Variants in NRSN1 observed in about 807,000 individuals in gnomAD.
NRSN1 encodes the protein neurensin 1, also known as neurensin-1.
A neutral mutation model predicts 17.3 loss-of-function variants in NRSN1; 14 were observed. That is an observed-to-expected ratio of 0.81 (90% CI 0.54 to 1.27). The LOEUF is 1.27. NRSN1 is among the 50% of genes most tolerant of loss of function. NRSN1 has a pLI of 0.00. For synonymous variants in NRSN1, 79 were observed against 94.2 expected (o/e 0.84, Z 0.93); for missense variants, 209 against 235.9 (o/e 0.89, Z 0.75).
chr6:24,145,442 T>C lies in NRSN1; in HGVS notation c.190-106T>C. On this transcript the variant is annotated intron_variant, in intron 3 of 3. Transcript: ENST00000378491. The surrounding 1 kb of genome is among the most constrained non-coding windows in gnomAD (Gnocchi z 4.4). ...CCTGCAAATTTGGGGTAACTGGGAA[T>C]ATTCATTTCTCTCAAGAAACAAGAC... The C allele has an allele frequency of 6.4e-6, 5 of 784,078 alleles. No homozygotes were observed. The highest frequency in any genetic ancestry group is 2.8e-5 in the South Asian group (1 of 35,682). 48.6% of individuals were successfully genotyped at this position (784,078 alleles called of 1,614,324 possible).
chr6:24,141,741 G>C (rs1269333632), intron 3 of NRSN1, among the ~76,000 whole-genome samples: 1 of 152,196 alleles, frequency 6.6e-6, no homozygotes, highest in African/African-American at 2.4e-5. Context: ...CTCAGCTGAG[G>C]AGCAGACTGC....
chr6:24,142,210 TTTTTC>T, intron 3 of NRSN1, among the ~76,000 whole-genome samples: 1 of 147,376 alleles, frequency 6.8e-6, no homozygotes, highest in East Asian at 2.0e-4. Context: ...TTTTTTTTTT[TTTTTC>T]AGAAGACATC....
Position 24,145,977 on chromosome 6 carries a change from A to G in NRSN1, c.*31A>G, listed in dbSNP as rs1318012732. The G allele has an allele frequency of 6.3e-7, 1 of 1,578,276 alleles. No individual in the cohort carries two copies. The highest frequency in any genetic ancestry group is 2.2e-5 in the East Asian group (1 of 44,636). ...TTCCCACCCCAGTTCTTCTTGTCTG[A>G]TTTATGCCCGTGGTTAAAAAGAGCA... On this transcript the variant is annotated 3_prime_UTR_variant, in exon 4 of 4. Coordinates refer to ENST00000378491, the MANE Select transcript of NRSN1 (RefSeq NM_080723.5). This position sits in a 1 kb window ranked among gnomAD's most constrained non-coding sequence, Gnocchi z 4.4.
chr6:24,132,973 T>C (rs1367550492), intron 2 of NRSN1, among the ~76,000 whole-genome samples: 3 of 152,218 alleles, frequency 2.0e-5, no homozygotes, highest in Non-Finnish European at 2.9e-5. Flanking sequence ...TTTGCTTATA[T>C]GGAGATCAGA....
rs1449771572 is a variant in NRSN1, at chr6:24,147,069, C to T, written c.*1123C>T. The T allele has an allele frequency of 6.6e-6, 1 of 152,180 alleles. No homozygotes were observed. Among genetic ancestry groups the T allele is most frequent in the Non-Finnish European group, 1.5e-5 (1 of 68,036 alleles). The allele number at this position is 152,180 out of a possible 1,614,324, so 9.4% of individuals were successfully genotyped here. A position where few individuals can be genotyped will look rare whatever the true frequency, so the allele number is the denominator to read the frequency against. ...TTTCAGAATGAGACTCCTGGAAATT[C>T]ACTGAGTCAGCAGCCTTCACACCAT... On this transcript the variant is annotated 3_prime_UTR_variant, in exon 4 of 4. Transcript: ENST00000378491.
chr6:24,142,212 T>TTTTTTTTTTTTTC (rs1484150562), intron 3 of NRSN1, among the ~76,000 whole-genome samples: 33 of 134,600 alleles, frequency 2.5e-4, no homozygotes, highest in African/African-American at 4.2e-4. Flanking sequence ...TTTTTTTTTT[T>TTTTTTTTTTTTTC]TTCAGAAGAC....
rs1187787282 is a variant in NRSN1, at chr6:24,145,876, G to A, written c.518G>A (p.Gly173Glu). ...AHTQPVTKAPGPGETKIPVTL... is the reference protein window; with the variant it reads ...AHTQPVTKAPEPGETKIPVTL... ...ACCCAGCCGGTTACAAAAGCTCCAG[G>A]GCCAGGGGAAACAAAGATTCCAGTC... Residue 173 changes from glycine (G) to glutamate (E), a missense_variant, in exon 4 of 4, where the codon GGG becomes GAG. Physicochemically the swap from Gly to Glu is moderately conservative, Grantham distance 98. Transcript: ENST00000378491. The surrounding 1 kb of genome is among the most constrained non-coding windows in gnomAD (Gnocchi z 4.4). 6.2e-7 allele frequency: 1 copy of A among 1,614,068 alleles called. No individual in the cohort carries two copies.
At chr6:24,142,834 TTCC>T (rs1386178483) in intron 3 of NRSN1, among the ~76,000 whole-genome samples, 2 of 152,170 alleles carry the variant, frequency 1.3e-5, no homozygotes, top group Non-Finnish European at 2.9e-5. Context: ...AGAACAAAGC[TTCC>T]ACAGGGTGGA....
At chr6:24,140,191 G>T (rs551099749) in intron 3 of NRSN1, among the ~76,000 whole-genome samples, 15 of 152,330 alleles carry the variant, frequency 9.8e-5, no homozygotes, top group African/African-American at 3.4e-4. Flanking sequence ...GCAGGTTTAA[G>T]GAAATCGTGG....
intron 3 of NRSN1, among the ~76,000 whole-genome samples, chr6:24,140,691 G>T (rs571136534): frequency 6.6e-6 from 1 of 152,350 alleles, no homozygotes; most frequent in East Asian, 1.9e-4. Flanking sequence ...AGCCACGCAG[G>T]TTCGCGCTTC....
chr6:24,138,655 T>A (rs1208015297), intron 3 of NRSN1, among the ~76,000 whole-genome samples: 1 of 152,174 alleles, frequency 6.6e-6, no homozygotes, highest in Non-Finnish European at 1.5e-5. Flanking sequence ...ACTGTGAAAG[T>A]GACTCCGGTC....
chr6:24,136,379 T>C (rs961128073), intron 3 of NRSN1, among the ~76,000 whole-genome samples: 1 of 152,234 alleles, frequency 6.6e-6, no homozygotes, highest in Non-Finnish European at 1.5e-5. Context: ...CAGTGTCATA[T>C]TGTTGTCACA....
chr6:24,134,364 G>A lies in NRSN1; in HGVS notation c.37G>A (p.Ala13Thr), dbSNP rs372433092. 3.2e-5 allele frequency: 52 copies of A among 1,614,004 alleles called. No homozygotes were observed. Among genetic ancestry groups the A allele is most frequent in the Non-Finnish European group, 4.0e-5 (47 of 1,180,028 alleles). The change falls in exon 3 of 4, where the codon GCA (alanine) becomes ACA (threonine). Residue 13 changes from alanine to threonine, a missense_variant. Physicochemically the swap from Ala to Thr is moderately conservative, Grantham distance 58. Transcript: ENST00000378491. ...CAGCAACGTCTGTGGGTCCAGGCAG[G>A]CACAGGCTGCAGCTGAGGGTGGTTA... Reference protein sequence around the residue: ...SCSNVCGSRQAQAAAEGGYQR... With the variant: ...SCSNVCGSRQTQAAAEGGYQR...
In NRSN1 at chr6:24,145,602, G is replaced by A. The variant is rs771669040; in HGVS notation, c.244G>A (p.Val82Met). ...FVILGLTVLA[V>M]GFLVPPKIEA... ...GATCCTCGGATTGACTGTTCTGGCA[G>A]TGGGCTTTCTTGTGCCCCCCAAAAT... is the stretch of plus-strand genomic sequence containing the variant. Residue 82 changes from valine to methionine, a missense_variant, in exon 4 of 4, where the codon GTG becomes ATG. Physicochemically the swap from Val to Met is conservative, Grantham distance 21. Coordinates refer to ENST00000378491, the MANE Select transcript of NRSN1 (RefSeq NM_080723.5). This position sits in a 1 kb window ranked among gnomAD's most constrained non-coding sequence, Gnocchi z 4.4. 3.1e-6 allele frequency: 5 copies of A among 1,612,534 alleles called. No individual in the cohort carries two copies. In the Admixed American group the frequency reaches 5.0e-5, roughly 16 times the overall value.
intron 3 of NRSN1, among the ~76,000 whole-genome samples, chr6:24,134,953 T>A (rs1170920418): frequency 3.9e-5 from 6 of 152,240 alleles, no homozygotes; most frequent in Non-Finnish European, 7.3e-5. Context: ...GTGGTCAGTA[T>A]ACCAGCTCCG....
chr6:24,127,121 G>T (rs551614405), intron 1 of NRSN1, among the ~76,000 whole-genome samples: 1 of 152,266 alleles, frequency 6.6e-6, no homozygotes, highest in South Asian at 2.1e-4. Flanking sequence ...GATGGGGGTG[G>T]AGGGCAGGTG....
At position 24,146,444 on chromosome 6, in the gene NRSN1, G is replaced by A. The variant is rs3829810; in HGVS notation, c.*498G>A. On this transcript the variant is annotated 3_prime_UTR_variant, in exon 4 of 4. Coordinates refer to ENST00000378491, the MANE Select transcript of NRSN1 (RefSeq NM_080723.5). ...TGAGCCGAACATGAGTTTTTAGACT[G>A]TATCTTGACATGAGGTTCCTGACAT... 0.24 allele frequency: 84,736 copies of A among 359,448 alleles called. 10,636 individuals are homozygous for A. Among genetic ancestry groups the A allele is most frequent in the South Asian group, 0.29 (13,366 of 46,150 alleles). The allele number at this position is 359,448 out of a possible 1,614,324, so 22.3% of individuals were successfully genotyped here.
At chr6:24,126,876 TGGAGG>T (rs1554139851) in intron 1 of NRSN1, among the ~76,000 whole-genome samples, 1 of 152,194 alleles carries the variant, frequency 6.6e-6, no homozygotes, top group Non-Finnish European at 1.5e-5. Context: ...AGACAGAGTC[TGGAGG>T]CCTCAAAGAA....
rs754172293 is a variant in NRSN1 at position 24,145,701 on chromosome 6, T to G, written c.343T>G (p.Tyr115Asp). ...AVQFNSALDM[Y>D]KLAGAVLFCI... Reference sequence around the variant, plus strand: ...CCAGTTTAACAGTGCTCTGGACATGTACAAGCTGGCAGGAGCTGTTCTCTT... The same window carrying G: ...CCAGTTTAACAGTGCTCTGGACATGGACAAGCTGGCAGGAGCTGTTCTCTT... The change falls in exon 4 of 4, where the codon TAC (tyrosine) becomes GAC (aspartate). Residue 115 changes from tyrosine to aspartate, a missense_variant. By Grantham distance (160) the Tyr-to-Asp change is radical. Transcript: ENST00000378491. The surrounding 1 kb of genome is among the most constrained non-coding windows in gnomAD (Gnocchi z 4.4). 8.7e-6 allele frequency: 14 copies of G among 1,614,204 alleles called. No individual in the cohort carries two copies. The East Asian group carries it at 3.1e-4, about 36-fold the overall frequency.
Sources: gnomAD v4.1 joint callset for allele counts (sites outside exome capture counted in the v4.1 genomes callset) on GRCh38, gnomAD v4.1.1 for gene constraint, Gnocchi (gnomAD v3.1) non-coding constraint, MANE v1.5 for transcripts, NCBI Gene and HGNC (gene_info 2026-07-23, HGNC 2026-07-21) for gene names.